Variants in AFTPH observed in about 807,000 individuals in gnomAD.
AFTPH encodes the protein aftiphilin.
Under a neutral mutation model 72.5 loss-of-function variants are expected in AFTPH, and 7 were observed. The ratio of observed to expected loss-of-function variants is 0.10; its 90% CI spans 0.05 to 0.18. The LOEUF is 0.18. AFTPH is among the 10% of genes least tolerant of loss of function. AFTPH has a pLI of 1.00. For missense variants in AFTPH, 979 were observed against 1,060.5 expected (o/e 0.92, Z 1.07); for synonymous variants, 337 against 370.1 (o/e 0.91, Z 1.03).
intron 8 of AFTPH, among the ~76,000 whole-genome samples, chr2:64,591,003 G>A (rs768570885): frequency 6.6e-6 from 1 of 152,200 alleles, no homozygotes; most frequent in African/African-American, 2.4e-5. Context: ...AACTTGAAAT[G>A]ATTTTTGGTC....
chr2:64,553,854 A>G (rs1385200760), intron 2 of AFTPH, among the ~76,000 whole-genome samples: 1 of 151,564 alleles, frequency 6.6e-6, no homozygotes, highest in Non-Finnish European at 1.5e-5. Context: ...AATTTTTTCC[A>G]TCAAAGACCT....
intron 1 of AFTPH, among the ~76,000 whole-genome samples, chr2:64,539,449 G>T (rs922568795): frequency 6.6e-6 from 1 of 152,138 alleles, no homozygotes; most frequent in Non-Finnish European, 1.5e-5. Context: ...CAGCACAAAT[G>T]ATTGGGTTGT....
chr2:64,536,565 T>C (rs1416056614), intron 1 of AFTPH, among the ~76,000 whole-genome samples: 1 of 90,982 alleles, frequency 1.1e-5, no homozygotes, highest in African/African-American at 8.9e-5. Flanking sequence ...AGACTCCATC[T>C]TAAAAAAAAA....
chr2:64,565,062 C>G (rs1366151282), intron 2 of AFTPH, among the ~76,000 whole-genome samples: 1 of 151,918 alleles, frequency 6.6e-6, no homozygotes. Context: ...TGGTTTCAAA[C>G]TCCTGAGCTC....
chr2:64,551,605 T>G (rs1391755501), exon 2 of AFTPH: 1 of 1,614,084 alleles, frequency 6.2e-7, no homozygotes, highest in Non-Finnish European at 8.5e-7. Context: ...GGTGTAGGGT[T>G]TGTTGATTTC....
At chr2:64,591,660 C>T (rs946344036) in intron 8 of AFTPH, among the ~76,000 whole-genome samples, 2 of 152,076 alleles carry the variant, frequency 1.3e-5, no homozygotes, top group Admixed American at 6.5e-5. Flanking sequence ...TGTGTGCATG[C>T]CTAGCTTTAA....
At chr2:64,550,693 A>G (rs1179785285) in intron 1 of AFTPH, among the ~76,000 whole-genome samples, 33 of 69,182 alleles carry the variant, frequency 4.8e-4, no homozygotes, top group South Asian at 2.5e-3. Flanking sequence ...ACACACACAC[A>G]CACACACACA....
chr2:64,548,829 A>G (rs368506615), intron 1 of AFTPH, among the ~76,000 whole-genome samples: 1 of 152,214 alleles, frequency 6.6e-6, no homozygotes, highest in East Asian at 1.9e-4. Context: ...AGCAGCAGGA[A>G]AGAAGAGTAT....
At chr2:64,548,700 G>A (rs1459079399) in intron 1 of AFTPH, among the ~76,000 whole-genome samples, 3 of 151,908 alleles carry the variant, frequency 2.0e-5, no homozygotes, top group Non-Finnish European at 4.4e-5. Flanking sequence ...ATAATTAGAG[G>A]GACATAGTTA....
chr2:64,592,066 T>C, exon 9 of AFTPH: 1 of 1,596,118 alleles, frequency 6.3e-7, no homozygotes, highest in Non-Finnish European at 8.6e-7. Flanking sequence ...TCTATTGCTT[T>C]TCCTTTTTTC....
intron 8 of AFTPH, among the ~76,000 whole-genome samples, chr2:64,587,131 G>A (rs1673565562): frequency 6.6e-6 from 1 of 152,146 alleles, no homozygotes; most frequent in South Asian, 2.1e-4. Context: ...CTTGAAACAT[G>A]CTGAATCTAG....
At chr2:64,582,995 C>A (rs1487066500) in intron 7 of AFTPH, among the ~76,000 whole-genome samples, 1 of 152,046 alleles carries the variant, frequency 6.6e-6, no homozygotes, top group East Asian at 1.9e-4. Flanking sequence ...TACTTTGGAG[C>A]CTTTTAAATA....
intron 7 of AFTPH, among the ~76,000 whole-genome samples, chr2:64,582,504 C>T (rs916115270): frequency 1.3e-5 from 2 of 152,174 alleles, no homozygotes; most frequent in African/African-American, 4.8e-5. Context: ...AAAAACCAAT[C>T]TGTCTGGTTT....
chr2:64,557,842 CT>C (rs1671475951), intron 2 of AFTPH, among the ~76,000 whole-genome samples: 1 of 152,136 alleles, frequency 6.6e-6, no homozygotes, highest in Non-Finnish European at 1.5e-5. Flanking sequence ...ATAGAATTTC[CT>C]TTTGCTATTT....
chr2:64,532,816 G>A (rs773893915), intron 1 of AFTPH, among the ~76,000 whole-genome samples: 82 of 152,120 alleles, frequency 5.4e-4, no homozygotes, highest in Non-Finnish European at 1.0e-3. Flanking sequence ...GGAAAATTGA[G>A]TAAGGATGAA....
intron 5 of AFTPH, among the ~76,000 whole-genome samples, chr2:64,572,451 T>A (rs1672496879): frequency 6.6e-6 from 1 of 152,202 alleles, no homozygotes; most frequent in Admixed American, 6.5e-5. Context: ...TGGGGTAATG[T>A]GTACAAAGGG....
At chr2:64,573,832 G>A (rs1031098304) in intron 6 of AFTPH, among the ~76,000 whole-genome samples, 2 of 151,862 alleles carry the variant, frequency 1.3e-5, no homozygotes, top group Admixed American at 6.6e-5. Context: ...TAATTTTTGT[G>A]TTTTTAGTAG....
intron 2 of AFTPH, among the ~76,000 whole-genome samples, chr2:64,559,213 CATTT>C (rs1191616436): frequency 6.7e-6 from 1 of 149,486 alleles, no homozygotes; most frequent in Admixed American, 6.6e-5. Flanking sequence ...CAGATGTAGT[CATTT>C]ATAAAATAGA....
chr2:64,560,973 AT>A (rs1671700244), intron 2 of AFTPH, among the ~76,000 whole-genome samples: 1 of 152,222 alleles, frequency 6.6e-6, no homozygotes, highest in South Asian at 2.1e-4. Flanking sequence ...CTGTCAGGCT[AT>A]TCTGAGAGCG....
Sources: allele counts gnomAD v4.1 joint callset (sites outside exome capture counted in the v4.1 genomes callset), GRCh38; gene constraint gnomAD v4.1.1; transcripts MANE v1.5; gene names NCBI Gene and HGNC (gene_info 2026-07-23, HGNC 2026-07-21).